Variants in CDH3 observed in about 807,000 individuals in gnomAD.
The protein encoded by CDH3 is cadherin-3.
In CDH3, 54 loss-of-function variants were observed where a neutral mutation model predicts 82.0. That is an observed-to-expected ratio of 0.66 (90% confidence interval 0.53 to 0.83). The LOEUF (loss-of-function observed/expected upper bound fraction) is 0.83, where lower values mean the gene tolerates loss of function less well. Ranked by LOEUF, CDH3 falls within the 40% of genes least tolerant of loss-of-function variation. The pLI, the probability that CDH3 is intolerant of heterozygous loss-of-function variation, is 0.00. For missense variants in CDH3, 1,054 were observed against 1,084.6 expected, an observed-to-expected ratio of 0.97 and a Z score of 0.40; for synonymous variants, 446 against 437.9, an observed-to-expected ratio of 1.02 and a Z score of -0.23.
At chr16:68,651,252 C>T in intron 2 of CDH3, 3 of 538,620 alleles carry the variant, frequency 5.6e-6, no homozygotes, top group South Asian at 2.8e-5. Context: ...TGTTGGTGCC[C>T]AGCTTGGTGT....
At chr16:68,721,287 G>T (rs1382138509) in intron 1 of CDH3, among the ~76,000 whole-genome samples, 1 of 142,030 alleles carries the variant, frequency 7.0e-6, no homozygotes, top group East Asian at 2.1e-4. Flanking sequence ...GGGCTGGAGT[G>T]CAGTAGCACG....
In CDH3 at chr16:68,721,178, A is replaced by G. The variant is rs559673405; in HGVS notation, c.100-1247A>G. ...CATTCCTGGAGACAAGCTGTGTGAC[A>G]TCCTCTCAGCATCTCAGTGTTCCTG... On this transcript the variant is annotated intron_variant, in intron 1 of 2. Transcript: ENST00000569080. Among the ~76,000 whole-genome samples the G allele has an allele frequency of 8.0e-5, 12 of 150,838 alleles. No homozygotes were observed. In the South Asian group the frequency reaches 1.7e-3, roughly 21 times the overall value.
intron 2 of CDH3, among the ~76,000 whole-genome samples, chr16:68,670,995 C>T (rs1266965201): frequency 6.6e-6 from 1 of 152,010 alleles, no homozygotes; most frequent in Admixed American, 6.6e-5. Flanking sequence ...ATCGCTTGAG[C>T]CCGGGAGGTG....
intron 2 of CDH3, among the ~76,000 whole-genome samples, chr16:68,646,382 C>T (rs976522177): frequency 1.3e-5 from 2 of 152,136 alleles, no homozygotes; most frequent in African/African-American, 4.8e-5. Flanking sequence ...CGTCTGGGGC[C>T]TGGGATGCTA....
intron 8 of CDH3, among the ~76,000 whole-genome samples, chr16:68,681,964 C>T (rs1279083834): frequency 6.6e-6 from 1 of 152,246 alleles, no homozygotes; most frequent in Non-Finnish European, 1.5e-5. Flanking sequence ...GCACCTAGCC[C>T]TTCTTGCCAC....
chr16:68,716,219 A>G (rs77118098), intron 1 of CDH3, among the ~76,000 whole-genome samples: 1 of 151,440 alleles, frequency 6.6e-6, no homozygotes, highest in Non-Finnish European at 1.5e-5. Flanking sequence ...AGTGAGAGAA[A>G]AAAAAAAAAA....
intron 2 of CDH3, among the ~76,000 whole-genome samples, chr16:68,675,953 A>G (rs1305120633): frequency 1.3e-5 from 2 of 152,170 alleles, no homozygotes; most frequent in East Asian, 3.8e-4. Flanking sequence ...AAGGAGCGAA[A>G]TGAACTGAAA....
At chr16:68,705,071 G>A (rs912190677), downstream of CDH3, among the ~76,000 whole-genome samples, 2 of 151,920 alleles carry the variant, frequency 1.3e-5, no homozygotes, top group South Asian at 2.1e-4. Context: ...CAAAAAAAAC[G>A]AAAAAATGAG....
rs1567457224 is a variant in CDH3, at chr16:68,695,313, C to T, written c.2061C>T (p.Leu687=). 6 of 1,613,956 alleles carry T rather than the reference C, an allele frequency of 3.7e-6. No homozygotes were observed. The Admixed American group carries it at 1.0e-4, about 27-fold the overall frequency. ...AGAAGCGGAAGATCAAGGAGCCCCT[C>T]CTACTCCCAGAAGATGACACCCGTG... ...VRKKRKIKEP[L]LLPEDDTRDN... The change falls in exon 14 of 16, where the codon CTC becomes CTT. Residue 687 remains leucine (L), a synonymous_variant. Coordinates refer to ENST00000264012, the MANE Select transcript of CDH3 (RefSeq NM_001793.6).
In CDH3 at chr16:68,698,473, C is replaced by T; in HGVS notation, c.*73C>T. 3.7e-6 allele frequency: 5 copies of T among 1,366,048 alleles called. No individual in the cohort carries two copies. Among genetic ancestry groups the T allele is most frequent in the Non-Finnish European group, 5.2e-6 (5 of 960,004 alleles). The allele number at this position is 1,366,048 out of a possible 1,614,324, so 84.6% of individuals were successfully genotyped here. On this transcript the variant is annotated 3_prime_UTR_variant, in exon 16 of 16. Coordinates refer to ENST00000264012, the MANE Select transcript of CDH3 (RefSeq NM_001793.6). Reference sequence around the variant, plus strand: ...CTCCAAGGGGTCTCAGTTCCCCCTTCAGCTGAGGACTTCGGAGCTTGTCAG... The same window carrying T: ...CTCCAAGGGGTCTCAGTTCCCCCTTTAGCTGAGGACTTCGGAGCTTGTCAG...
intron 1 of CDH3, among the ~76,000 whole-genome samples, chr16:68,706,033 C>T (rs1043270163): frequency 6.8e-6 from 1 of 147,698 alleles, no homozygotes; most frequent in Non-Finnish European, 1.5e-5. Context: ...CCACTGCACT[C>T]CAGCCTGGGG....
chr16:68,663,519 C>A (rs1960653701), intron 2 of CDH3, among the ~76,000 whole-genome samples: 1 of 152,000 alleles, frequency 6.6e-6, no homozygotes, highest in African/African-American at 2.4e-5. Context: ...CAGGCGTGAG[C>A]CACCACGCCT....
Position 68,684,581 on chromosome 16 carries a change from AG to A in CDH3, c.1184del. 1 of 1,614,058 alleles carries A rather than the reference AG, an allele frequency of 6.2e-7. No homozygotes were observed. ...CAGGTCCTTCTTCCTCTTCTCTCCTAGGGTTTGGATTTTGAGGCCAAAAACC... is the reference window on the plus strand; with the variant it reads ...CAGGTCCTTCTTCCTCTTCTCTCCTAGGTTTGGATTTTGAGGCCAAAAACC... On this transcript the variant is annotated splice_acceptor_variant, in intron 9 of 15. Coordinates refer to ENST00000264012, the MANE Select transcript of CDH3 (RefSeq NM_001793.6). LOFTEE classifies it high-confidence loss of function.
chr16:68,691,195 G>A (rs993608799), intron 12 of CDH3, among the ~76,000 whole-genome samples: 6 of 151,900 alleles, frequency 3.9e-5, no homozygotes, highest in Admixed American at 3.3e-4. Flanking sequence ...TAGTAGAGAC[G>A]GGTTTTCACC....
chr16:68,714,670 G>C (rs1165374610), intron 1 of CDH3, among the ~76,000 whole-genome samples: 1 of 152,096 alleles, frequency 6.6e-6, no homozygotes, highest in Non-Finnish European at 1.5e-5. Flanking sequence ...TAGCTGTAGA[G>C]CACTTTCAGC....
intron 2 of CDH3, among the ~76,000 whole-genome samples, chr16:68,668,909 G>A (rs1043238548): frequency 3.3e-5 from 5 of 152,174 alleles, no homozygotes; most frequent in Non-Finnish European, 7.3e-5. Context: ...ATTCAGTGCT[G>A]TTTGAACACT....
intron 2 of CDH3, among the ~76,000 whole-genome samples, chr16:68,668,174 G>T (rs3118234): frequency 6.6e-6 from 1 of 152,066 alleles, no homozygotes; most frequent in Non-Finnish European, 1.5e-5. Context: ...GGAAGAAAGA[G>T]CTATGTTTAG....
rs1183045196 is a variant in CDH3 at position 68,684,841 on chromosome 16, C to T, written c.1424+17C>T. 6.2e-7 allele frequency: 1 copy of T among 1,614,002 alleles called. No individual in the cohort carries two copies. The highest frequency in any genetic ancestry group is 8.5e-7 in the Non-Finnish European group (1 of 1,179,984). ...AAAGATCAGGTACTCAGGAGCTGGG[C>T]TCAGTAAGCAGCACGTACTGGTACA... is the stretch of plus-strand genomic sequence containing the variant. On this transcript the variant is annotated intron_variant, in intron 10 of 15. Coordinates refer to ENST00000264012, the MANE Select transcript of CDH3 (RefSeq NM_001793.6).
At chr16:68,720,863 A>C (rs1243050069) in intron 1 of CDH3, among the ~76,000 whole-genome samples, 1 of 151,722 alleles carries the variant, frequency 6.6e-6, no homozygotes, top group East Asian at 1.9e-4. Flanking sequence ...CAAGTGATCC[A>C]CCCTCCTCGG....
Sources: allele counts gnomAD v4.1 joint callset (sites outside exome capture counted in the v4.1 genomes callset), GRCh38; gene constraint gnomAD v4.1.1; transcripts MANE v1.5; gene names NCBI Gene and HGNC (gene_info 2026-07-23, HGNC 2026-07-21).